The following MAML3 variants were observed in gnomAD, a reference collection of about 807,000 sequenced individuals.
MAML3 encodes the protein mastermind like transcriptional coactivator 3.
MAML3 carries 27 observed loss-of-function variants against 101.9 expected under a neutral mutation model. That is an observed-to-expected ratio of 0.27 (90% CI 0.20 to 0.37). The LOEUF is 0.37. Among genes scored for constraint, MAML3 ranks in the 10% least tolerant of loss-of-function variants. The probability of loss-of-function intolerance (pLI) is 1.00; values close to 1 mark genes in which losing one functional copy is unlikely to be tolerated. For synonymous variants in MAML3, 501 were observed against 555.9 expected (o/e 0.90, Z 1.39); for missense variants, 1,316 against 1,444.9 (o/e 0.91, Z 1.45).
At chr4:139,893,320 T>A (rs776103799) in intron 1 of MAML3, among the ~76,000 whole-genome samples, 2 of 152,166 alleles carry the variant, frequency 1.3e-5, no homozygotes, top group Admixed American at 6.5e-5. Flanking sequence ...CCACCCTAGT[T>A]ATATGTTAGG....
At chr4:139,902,051 T>C (rs895380162) in intron 1 of MAML3, among the ~76,000 whole-genome samples, 1 of 152,162 alleles carries the variant, frequency 6.6e-6, no homozygotes, top group African/African-American at 2.4e-5. Context: ...AACAAAAGTA[T>C]TGAAATAAGA....
intron 2 of MAML3, among the ~76,000 whole-genome samples, chr4:139,870,974 T>A (rs1731996635): frequency 6.6e-6 from 1 of 152,210 alleles, no homozygotes; most frequent in African/African-American, 2.4e-5. Flanking sequence ...AGGGCTAACA[T>A]GATGATGAGT....
intron 2 of MAML3, among the ~76,000 whole-genome samples, chr4:139,747,470 G>C (rs997330154): frequency 6.6e-6 from 1 of 152,136 alleles, no homozygotes; most frequent in African/African-American, 2.4e-5. Context: ...GAGGCAGGTG[G>C]ATCACCTGAG....
intron 2 of MAML3, among the ~76,000 whole-genome samples, chr4:139,854,118 C>T (rs150436535): frequency 9.7e-4 from 148 of 152,096 alleles, no homozygotes; most frequent in African/African-American, 3.2e-3. Flanking sequence ...CCACCGTGCC[C>T]GGCCACATTT....
chr4:139,806,816 G>T (rs1410354925), intron 2 of MAML3, among the ~76,000 whole-genome samples: 1 of 152,052 alleles, frequency 6.6e-6, no homozygotes, highest in Non-Finnish European at 1.5e-5. Context: ...AACAAAGTAG[G>T]ATACAAAACC....
At chr4:139,827,471 G>T (rs1188396480) in intron 2 of MAML3, among the ~76,000 whole-genome samples, 1 of 152,184 alleles carries the variant, frequency 6.6e-6, no homozygotes, top group Non-Finnish European at 1.5e-5. Flanking sequence ...GCTTCTCTAT[G>T]CAGATTCCTG....
chr4:139,750,202 C>T (rs1447327097), intron 2 of MAML3, among the ~76,000 whole-genome samples: 1 of 152,138 alleles, frequency 6.6e-6, no homozygotes, highest in African/African-American at 2.4e-5. Context: ...GGGTTCAGAT[C>T]CCCTGGGTGC....
chr4:139,890,156 G>A lies in MAML3; in HGVS notation c.1280C>T (p.Pro427Leu). Residue 427 changes from proline to leucine, a missense_variant, in exon 2 of 5, where the codon CCA (proline) becomes CTA (leucine). Physicochemically the swap from Pro to Leu is moderately conservative, Grantham distance 98. Transcript: ENST00000509479. This position sits in a 1 kb window ranked among gnomAD's most constrained non-coding sequence, Gnocchi z 4.1. The stretch of plus-strand genomic sequence containing the variant: ...TCCAGGCCGAGGTGGAGCTTGGCCT[G>A]GAGTGTGGGCTTGGTTTGGAGTTTG... ...SPQTPNQAHT[P>L]GQAPPRPGNG... 1.9e-6 allele frequency: 3 copies of A among 1,613,646 alleles called. No individual in the cohort carries two copies. The highest frequency in any genetic ancestry group is 2.5e-6 in the Non-Finnish European group (3 of 1,179,898).
chr4:140,039,725 GA>G (rs1727049669), intron 1 of MAML3, among the ~76,000 whole-genome samples: 1 of 152,168 alleles, frequency 6.6e-6, no homozygotes, highest in Non-Finnish European at 1.5e-5. Context: ...CACTTCAGTG[GA>G]TTGTCCCAGA....
intron 1 of MAML3, among the ~76,000 whole-genome samples, chr4:140,064,110 C>A (rs1274101580): frequency 6.6e-6 from 1 of 152,172 alleles, no homozygotes; most frequent in African/African-American, 2.4e-5. Context: ...TGGGGAAAAT[C>A]AGACGTAAAC....
At chr4:139,830,836 G>T (rs750679734) in intron 2 of MAML3, among the ~76,000 whole-genome samples, 1 of 152,072 alleles carries the variant, frequency 6.6e-6, no homozygotes, top group Non-Finnish European at 1.5e-5. Context: ...CAAAATTGGG[G>T]AGTGATCCCA....
chr4:140,024,612 C>G (rs1220739650), intron 1 of MAML3, among the ~76,000 whole-genome samples: 1 of 152,198 alleles, frequency 6.6e-6, no homozygotes, highest in Non-Finnish European at 1.5e-5. Flanking sequence ...AATCACTCTG[C>G]TATTCAACCT....
intron 2 of MAML3, among the ~76,000 whole-genome samples, chr4:139,806,561 A>T (rs762595181): frequency 6.6e-6 from 1 of 152,172 alleles, no homozygotes; most frequent in Admixed American, 6.5e-5. Flanking sequence ...ACACGTCAAG[A>T]TCCTAGTTAA....
chr4:140,043,347 C>T (rs1398278246), intron 1 of MAML3, among the ~76,000 whole-genome samples: 1 of 152,090 alleles, frequency 6.6e-6, no homozygotes, highest in African/African-American at 2.4e-5. Flanking sequence ...ATCTGTTTTC[C>T]TATATTTGAA....
chr4:139,928,093 A>G (rs1185629175), intron 1 of MAML3, among the ~76,000 whole-genome samples: 1 of 152,180 alleles, frequency 6.6e-6, no homozygotes, highest in Non-Finnish European at 1.5e-5. Context: ...ATATATGTAC[A>G]TTTAAAAACA....
chr4:140,093,270 C>T (rs1728093113), intron 1 of MAML3, among the ~76,000 whole-genome samples: 1 of 152,138 alleles, frequency 6.6e-6, no homozygotes, highest in Non-Finnish European at 1.5e-5. Flanking sequence ...AAAATTTCTT[C>T]AAGGCACAAC....
At chr4:139,776,361 G>C (rs1434363075) in intron 2 of MAML3, among the ~76,000 whole-genome samples, 1 of 152,138 alleles carries the variant, frequency 6.6e-6, no homozygotes. Context: ...ACAGTGCCCT[G>C]GAAACCTCCT....
chr4:140,119,186 C>T (rs918745394), intron 1 of MAML3, among the ~76,000 whole-genome samples: 1 of 152,174 alleles, frequency 6.6e-6, no homozygotes, highest in East Asian at 1.9e-4. Flanking sequence ...CAATCTCACA[C>T]AATAGAAAAA....
At chr4:139,930,723 T>C (rs1043377633) in intron 1 of MAML3, among the ~76,000 whole-genome samples, 2 of 152,174 alleles carry the variant, frequency 1.3e-5, no homozygotes, top group Non-Finnish European at 2.9e-5. Flanking sequence ...AGGTACCCTC[T>C]TCGTAGTCCC....
Sources: gnomAD v4.1 joint callset for allele counts (sites outside exome capture counted in the v4.1 genomes callset) on GRCh38, gnomAD v4.1.1 for gene constraint, Gnocchi (gnomAD v3.1) non-coding constraint, MANE v1.5 for transcripts, NCBI Gene and HGNC (gene_info 2026-07-23, HGNC 2026-07-21) for gene names.